The following RBFOX1 variants were observed in gnomAD, a reference collection of about 807,000 sequenced individuals.
The protein encoded by RBFOX1 is RNA binding fox-1 homolog 1, also known as RNA binding protein fox-1 homolog 1.
A neutral mutation model predicts 57.7 loss-of-function variants in RBFOX1; 8 were observed. That is an observed-to-expected ratio of 0.14 (90% CI 0.08 to 0.25). RBFOX1 has a LOEUF of 0.25. Among genes scored for constraint, RBFOX1 ranks in the 10% least tolerant of loss-of-function variants. The probability of loss-of-function intolerance (pLI) is 1.00; values close to 1 mark genes in which losing one functional copy is unlikely to be tolerated. For synonymous variants in RBFOX1, 326 were observed against 222.4 expected, an observed-to-expected ratio of 1.47 and a Z score of -4.15; for missense variants, 611 against 548.5, an observed-to-expected ratio of 1.11 and a Z score of -1.14.
intron 2 of RBFOX1, among the ~76,000 whole-genome samples, chr16:6,414,616 A>C (rs2093568652): frequency 6.6e-6 from 1 of 152,178 alleles, no homozygotes; most frequent in African/African-American, 2.4e-5. Context: ...CTTATATCCC[A>C]CCCAAATATC....
chr16:7,545,700 G>C (rs528537330), intron 5 of RBFOX1, among the ~76,000 whole-genome samples: 33 of 152,198 alleles, frequency 2.2e-4, no homozygotes, highest in African/African-American at 7.2e-4. Context: ...ATTTACCTAA[G>C]GCTGCTATAT....
chr16:7,240,550 G>C (rs1183419014), intron 4 of RBFOX1, among the ~76,000 whole-genome samples: 3 of 151,874 alleles, frequency 2.0e-5, no homozygotes, highest in African/African-American at 7.3e-5. Context: ...TTGTTTGTTT[G>C]TTTGTTTTTG....
At chr16:7,367,862 G>A (rs909543350) in intron 4 of RBFOX1, among the ~76,000 whole-genome samples, 1 of 148,576 alleles carries the variant, frequency 6.7e-6, no homozygotes, top group Admixed American at 6.8e-5. Flanking sequence ...ATATGTGCAT[G>A]AGCACGTGCA....
At chr16:7,699,310 C>G (rs1240034251) in intron 14 of RBFOX1, among the ~76,000 whole-genome samples, 2 of 152,136 alleles carry the variant, frequency 1.3e-5, no homozygotes, top group African/African-American at 2.4e-5. Flanking sequence ...TCCCACTTCA[C>G]CCTCCCTAGT....
intron 2 of RBFOX1, among the ~76,000 whole-genome samples, chr16:6,434,252 C>T (rs559621707): frequency 3.3e-5 from 5 of 152,312 alleles, no homozygotes; most frequent in East Asian, 3.9e-4. Flanking sequence ...GTCCATTTGG[C>T]TATGTAAGGT....
At chr16:5,731,324 C>T (rs1471538528) in intron 3 of RBFOX1, among the ~76,000 whole-genome samples, 1 of 152,218 alleles carries the variant, frequency 6.6e-6, no homozygotes. Flanking sequence ...CTATCAGTAT[C>T]ACCACCACTA....
At position 7,078,071 on chromosome 16, in the gene RBFOX1, C is replaced by G. The variant is rs147075102; in HGVS notation, c.27+25973C>G. Among the ~76,000 whole-genome samples, 182 of 152,304 alleles carry G rather than the reference C, an allele frequency of 1.2e-3. 1 individual carries two copies. The highest frequency in any genetic ancestry group is 5.2e-3 in the Admixed American group (80 of 15,302). ...TTTTGAGATTTTCCTGCCTTTGCCTCTCTCTACCACTTGCTCCTCCTCCTC... is the reference window on the plus strand; with the variant it reads ...TTTTGAGATTTTCCTGCCTTTGCCTGTCTCTACCACTTGCTCCTCCTCCTC... On this transcript the variant is annotated intron_variant, in intron 4 of 15. Transcript: ENST00000550418.
At chr16:6,136,658 A>C (rs1050962743) in intron 1 of RBFOX1, among the ~76,000 whole-genome samples, 4 of 152,118 alleles carry the variant, frequency 2.6e-5, no homozygotes, top group Admixed American at 2.6e-4. Context: ...ACAAAGACAA[A>C]ATGCACAAAA....
intron 4 of RBFOX1, among the ~76,000 whole-genome samples, chr16:7,314,767 G>C (rs1051829084): frequency 2.0e-5 from 3 of 152,156 alleles, no homozygotes; most frequent in African/African-American, 4.8e-5. Flanking sequence ...ACTGTAAGCC[G>C]AATCACCATT....
intron 2 of RBFOX1, among the ~76,000 whole-genome samples, chr16:6,454,667 A>G (rs561879267): frequency 6.6e-6 from 1 of 152,224 alleles, no homozygotes; most frequent in East Asian, 1.9e-4. Flanking sequence ...CTTCACCTAC[A>G]TGTGCATTCT....
chr16:6,038,794 C>G (rs1596584133), intron 1 of RBFOX1: 1 of 145,338 alleles, frequency 6.9e-6, no homozygotes, highest in Non-Finnish European at 1.5e-5. Context: ...TTATTTACCA[C>G]TTGGGTTGGA....
rs375147631 is a variant in RBFOX1, at chr16:6,991,331, C to T, written c.-15-60726C>T. On this transcript the variant is annotated intron_variant, in intron 3 of 15. Coordinates refer to ENST00000550418, the MANE Select transcript of RBFOX1 (RefSeq NM_018723.4). ...AAAGTTGGCTATTTCTGCATTTCTC[C>T]ATTTCAGCTAATACATCTGTATGTA... is the stretch of plus-strand genomic sequence containing the variant. Among the ~76,000 whole-genome samples the T allele has an allele frequency of 2.6e-5, 4 of 152,094 alleles. No homozygotes were observed. In the East Asian group the frequency reaches 5.8e-4, roughly 22 times the overall value.
At chr16:7,543,520 A>C (rs1377628415) in intron 5 of RBFOX1, among the ~76,000 whole-genome samples, 1 of 152,184 alleles carries the variant, frequency 6.6e-6, no homozygotes, top group Non-Finnish European at 1.5e-5. Flanking sequence ...AGACAATGGA[A>C]TCTCAGAGAA....
At chr16:7,046,616 T>C (rs1237177690) in intron 3 of RBFOX1, among the ~76,000 whole-genome samples, 1 of 145,720 alleles carries the variant, frequency 6.9e-6, no homozygotes, top group Non-Finnish European at 1.5e-5. Flanking sequence ...TTTTTTTTTT[T>C]TTTTTTTTTT....
chr16:6,813,127 G>A (rs1480564825), intron 3 of RBFOX1, among the ~76,000 whole-genome samples: 1 of 150,540 alleles, frequency 6.6e-6, no homozygotes, highest in Non-Finnish European at 1.5e-5. Flanking sequence ...TGCAACCTAA[G>A]TTTTCAGGCC....
intron 3 of RBFOX1, among the ~76,000 whole-genome samples, chr16:7,024,005 A>T (rs997747447): frequency 6.6e-6 from 1 of 152,094 alleles, no homozygotes; most frequent in African/African-American, 2.4e-5. Context: ...AGGTTTCTAT[A>T]TCCTCCTGAT....
intron 2 of RBFOX1, among the ~76,000 whole-genome samples, chr16:6,443,204 A>C (rs530951254): frequency 1.3e-5 from 2 of 152,258 alleles, no homozygotes; most frequent in South Asian, 2.1e-4. Flanking sequence ...TTTCCGGCTG[A>C]ATCTTGGCCA....
At position 6,642,244 on chromosome 16, in the gene RBFOX1, C is replaced by G. The variant is rs962347338; in HGVS notation, c.-63-12359C>G. Among the ~76,000 whole-genome samples the G allele has an allele frequency of 2.6e-5, 4 of 152,262 alleles. No individual in the cohort carries two copies. The East Asian group carries it at 7.7e-4, about 29-fold the overall frequency. The stretch of plus-strand genomic sequence containing the variant: ...TGCTGAGAGTTTGCAGCTGACATCT[C>G]GAGAAGTATTCTTCTTAAAAGCTGA... On this transcript the variant is annotated intron_variant, in intron 2 of 15. Coordinates refer to ENST00000550418, the MANE Select transcript of RBFOX1 (RefSeq NM_018723.4).
chr16:6,329,400 A>G (rs1472760104), intron 2 of RBFOX1, among the ~76,000 whole-genome samples: 1 of 152,206 alleles, frequency 6.6e-6, no homozygotes, highest in Non-Finnish European at 1.5e-5. Flanking sequence ...ACAGCATGCA[A>G]AAGCTGGAGC....
Sources: gnomAD v4.1 joint callset for allele counts (sites outside exome capture counted in the v4.1 genomes callset) on GRCh38, gnomAD v4.1.1 for gene constraint, MANE v1.5 for transcripts, NCBI Gene and HGNC (gene_info 2026-07-23, HGNC 2026-07-21) for gene names.